Variants in SHLD1 observed in about 807,000 individuals in gnomAD.
SHLD1 encodes the protein RINN1-REV7-interacting novel NHEJ regulator 3.
Under a neutral mutation model 5.5 loss-of-function variants are expected in SHLD1, and 3 were observed. The observed-to-expected ratio is 0.54, with a 90% confidence interval of 0.25 to 1.40. SHLD1 has a LOEUF of 1.40. Ranked by LOEUF, SHLD1 falls within the 40% of genes most tolerant of loss-of-function variation. SHLD1 has a pLI of 0.15. For synonymous variants in SHLD1, 92 were observed against 94.3 expected, an observed-to-expected ratio of 0.98 and a Z score of 0.14; for missense variants, 210 against 244.4, an observed-to-expected ratio of 0.86 and a Z score of 0.94.
intron 2 of SHLD1, among the ~76,000 whole-genome samples, chr20:5,784,677 C>A (rs991679837): frequency 1.3e-5 from 2 of 152,054 alleles, no homozygotes; most frequent in African/African-American, 4.8e-5. Context: ...GTCTCGATCG[C>A]CTGACCTTGT....
At chr20:5,773,442 T>G in intron 2 of SHLD1, 1 of 412,534 alleles carries the variant, frequency 2.4e-6, no homozygotes, top group Non-Finnish European at 4.4e-6. Flanking sequence ...ATAGAGACTT[T>G]AGCATTCCTT....
chr20:5,751,524 C>T (rs1186599039), intron 1 of SHLD1, among the ~76,000 whole-genome samples: 1 of 152,112 alleles, frequency 6.6e-6, no homozygotes, highest in Non-Finnish European at 1.5e-5. Context: ...CCAGGCTGGT[C>T]TTGAACTCCT....
At chr20:5,766,007 T>C (rs953170537) in intron 1 of SHLD1, among the ~76,000 whole-genome samples, 1 of 152,126 alleles carries the variant, frequency 6.6e-6, no homozygotes, top group Non-Finnish European at 1.5e-5. Flanking sequence ...ATAGGTATCA[T>C]TTCAATGTGC....
At chr20:5,844,857 C>T (rs1039814815) in intron 2 of SHLD1, among the ~76,000 whole-genome samples, 14 of 139,924 alleles carry the variant, frequency 1.0e-4, no homozygotes, top group Admixed American at 6.1e-4. Flanking sequence ...TGTAGTAGTG[C>T]GATCTCGGTT....
At chr20:5,753,659 G>T (rs942016798) in intron 1 of SHLD1, among the ~76,000 whole-genome samples, 2 of 152,096 alleles carry the variant, frequency 1.3e-5, no homozygotes, top group Admixed American at 6.6e-5. Context: ...TTACTTTGTC[G>T]CCACGTGTAC....
intron 2 of SHLD1, among the ~76,000 whole-genome samples, chr20:5,810,886 T>TAAAA (rs1311644392): frequency 1.4e-5 from 1 of 72,220 alleles, no homozygotes; most frequent in Non-Finnish European, 3.4e-5. Flanking sequence ...AGACTCTGTC[T>TAAAA]CAAAAAAAAA....
intron 2 of SHLD1, among the ~76,000 whole-genome samples, 197 bp from the exon 3 acceptor site, chr20:5,862,827 T>C (rs981371779): frequency 1.3e-5 from 2 of 152,236 alleles, no homozygotes; most frequent in Admixed American, 6.5e-5. Context: ...ACAAGTAATA[T>C]GTTCTCGTTG....
chr20:5,780,242 G>T (rs746822242), intron 2 of SHLD1, among the ~76,000 whole-genome samples: 2 of 152,166 alleles, frequency 1.3e-5, no homozygotes, highest in African/African-American at 4.8e-5. Flanking sequence ...GCCTCCCAAA[G>T]TGCTGAATTA....
At chr20:5,813,727 T>C (rs893098461) in intron 2 of SHLD1, among the ~76,000 whole-genome samples, 1 of 152,168 alleles carries the variant, frequency 6.6e-6, no homozygotes, top group African/African-American at 2.4e-5. Context: ...TTGTTTTGCT[T>C]GTAAACTTAA....
chr20:5,808,511 T>C (rs1005115796), intron 2 of SHLD1, among the ~76,000 whole-genome samples: 4 of 152,224 alleles, frequency 2.6e-5, no homozygotes, highest in Non-Finnish European at 5.9e-5. Context: ...TTTTCACTTA[T>C]TGCTATAATA....
intron 2 of SHLD1, 55 bp from the exon 3 acceptor site, chr20:5,862,969 C>G: frequency 2.7e-6 from 4 of 1,473,642 alleles, no homozygotes; most frequent in Non-Finnish European, 3.7e-6. Context: ...TCTTGGCTTG[C>G]TTTCTGATAT....
At chr20:5,754,874 G>T (rs929817526) in intron 1 of SHLD1, among the ~76,000 whole-genome samples, 2 of 152,044 alleles carry the variant, frequency 1.3e-5, no homozygotes, top group Non-Finnish European at 2.9e-5. Context: ...TGGCCAACAT[G>T]GTGAAACCCC....
intron 2 of SHLD1, among the ~76,000 whole-genome samples, chr20:5,801,457 T>C (rs2082787988): frequency 6.6e-6 from 1 of 152,188 alleles, no homozygotes; most frequent in South Asian, 2.1e-4. Flanking sequence ...AGTTGAATGC[T>C]CTGCCCTGGA....
At chr20:5,812,508 A>G (rs2087473257) in intron 2 of SHLD1, among the ~76,000 whole-genome samples, 2 of 152,224 alleles carry the variant, frequency 1.3e-5, no homozygotes, top group Non-Finnish European at 2.9e-5. Context: ...ATTTTTGAAC[A>G]AGTGAACGAG....
intron 2 of SHLD1, among the ~76,000 whole-genome samples, chr20:5,816,228 T>A (rs891353944): frequency 6.6e-6 from 1 of 152,230 alleles, no homozygotes; most frequent in Non-Finnish European, 1.5e-5. Flanking sequence ...TAAAAATTAT[T>A]TTGTGATTTT....
At chr20:5,771,632 TG>T (rs1258355532) in intron 1 of SHLD1, among the ~76,000 whole-genome samples, 2 of 151,900 alleles carry the variant, frequency 1.3e-5, no homozygotes, top group East Asian at 3.9e-4. Flanking sequence ...TTTTTTTTTT[TG>T]AGACAGAGTC....
intron 2 of SHLD1, among the ~76,000 whole-genome samples, chr20:5,828,365 T>C (rs1489677686): frequency 6.6e-6 from 1 of 152,222 alleles, no homozygotes; most frequent in Non-Finnish European, 1.5e-5. Context: ...ATAAATATGT[T>C]GGTCATAATA....
intron 2 of SHLD1, among the ~76,000 whole-genome samples, chr20:5,836,887 G>A (rs237102): frequency 0.44 from 66,264 of 151,778 alleles, 17,206 homozygotes; most frequent in African/African-American, 0.72. Flanking sequence ...GACCAAGACT[G>A]ATAAATAAAG....
At chr20:5,808,437 C>T (rs2087413503) in intron 2 of SHLD1, among the ~76,000 whole-genome samples, 1 of 152,110 alleles carries the variant, frequency 6.6e-6, no homozygotes, top group Non-Finnish European at 1.5e-5. Flanking sequence ...ACAAACAGCA[C>T]GTATATCTTT....
Sources: gnomAD v4.1 joint callset for allele counts (sites outside exome capture counted in the v4.1 genomes callset) on GRCh38, gnomAD v4.1.1 for gene constraint, MANE v1.5 for transcripts, NCBI Gene and HGNC (gene_info 2026-07-23, HGNC 2026-07-21) for gene names.